The following CNBD2 variants were observed in gnomAD, a reference collection of about 807,000 sequenced individuals.
CNBD2 encodes the protein cyclic nucleotide-binding domain-containing protein 2.
A neutral mutation model predicts 63.7 loss-of-function variants in CNBD2; 64 were observed. That is an observed-to-expected ratio of 1.00 (90% CI 0.82 to 1.24). CNBD2 has a LOEUF of 1.24. CNBD2 is among the 50% of genes most tolerant of loss of function. The pLI, the probability that CNBD2 is intolerant of heterozygous loss-of-function variation, is 0.00. For synonymous variants in CNBD2, 229 were observed against 255.4 expected (o/e 0.90, Z 0.99); for missense variants, 691 against 713.5 (o/e 0.97, Z 0.36).
downstream of CNBD2, among the ~76,000 whole-genome samples, chr20:35,956,393 A>G (rs553260578): frequency 6.6e-6 from 1 of 152,226 alleles, no homozygotes; most frequent in Non-Finnish European, 1.5e-5. Flanking sequence ...CACTGGACCC[A>G]AATTCCTGCT....
rs201296527 is a variant in CNBD2, at chr20:35,984,746, G to C, written c.684G>C (p.Gln228His). 1 of 1,614,240 alleles carries C rather than the reference G, an allele frequency of 6.2e-7. No homozygotes were observed. The highest frequency in any genetic ancestry group is 8.5e-7 in the Non-Finnish European group (1 of 1,180,038). ...CTAATAAGCTGGACCAGGAAGTTCA[G>C]AAGGATGCTCAGTATCGGTTTGAAT... ...FFANKLDQEV[Q>H]KDAQYRFEFF... Residue 228 changes from glutamine to histidine, a missense_variant, in exon 6 of 12, where the codon CAG becomes CAC. By Grantham distance (24) the Gln-to-His change is conservative. Transcript: ENST00000373973.
Position 35,984,176 on chromosome 20 carries a change from G to C in CNBD2, c.564+38G>C, listed in dbSNP as rs893636750. 2.6e-6 allele frequency: 4 copies of C among 1,560,100 alleles called. No individual in the cohort carries two copies. The Admixed American group carries it at 7.4e-5, about 29-fold the overall frequency. On this transcript the variant is annotated intron_variant, in intron 5 of 11. Coordinates refer to ENST00000373973, the MANE Select transcript of CNBD2 (RefSeq NM_001365709.1). ...GAAGGACCCAGTTTCCTGGGGTGGA[G>C]TGGGTGGAGGTGACAGGACTTCTGC...
intron 8 of CNBD2, among the ~76,000 whole-genome samples, chr20:35,997,241 C>A (rs1467145563): frequency 1.3e-5 from 2 of 152,114 alleles, no homozygotes; most frequent in South Asian, 2.1e-4. Context: ...TGGCATGCTT[C>A]CCCCCACTTC....
intron 2 of CNBD2, chr20:35,974,793 T>C (rs1568856938): frequency 6.6e-6 from 1 of 152,196 alleles, no homozygotes; most frequent in African/African-American, 2.4e-5. Context: ...AGCCTTGAGT[T>C]GGGGTCTCAG....
chr20:36,008,172 T>A lies in CNBD2; in HGVS notation c.971-125T>A, dbSNP rs2794369. On this transcript the variant is annotated intron_variant, in intron 8 of 11. Transcript: ENST00000373973. ...ACAGTGTTTTATCTTTCTTTTTTTT[T>A]TAAAAAATTTCCCCATGTGCTAGAC... 7,582 of 741,176 alleles carry A rather than the reference T, an allele frequency of 0.01. 433 individuals carry two copies. In the African/African-American group the frequency reaches 0.12, roughly 12 times the overall value. 45.9% of individuals were successfully genotyped at this position (741,176 alleles called of 1,614,324 possible).
chr20:35,987,591 T>C (rs902191065), intron 7 of CNBD2, 58 bp downstream of exon 7: 54 of 1,590,314 alleles, frequency 3.4e-5, no homozygotes, highest in Non-Finnish European at 4.6e-5. Context: ...CCTAAGATCA[T>C]GTCCTGTGAC....
At chr20:35,965,295 A>C (rs1193924924), upstream of CNBD2, among the ~76,000 whole-genome samples, 1 of 149,746 alleles carries the variant, frequency 6.7e-6, no homozygotes, top group Non-Finnish European at 1.5e-5. Flanking sequence ...CTCCCGCCTC[A>C]GCCTCCCGAG....
intron 1 of CNBD2, among the ~76,000 whole-genome samples, chr20:35,971,024 T>C (rs2056407791): frequency 6.7e-6 from 1 of 149,826 alleles, no homozygotes; most frequent in South Asian, 2.1e-4. Flanking sequence ...CTCGGCTCAC[T>C]GCAAGCTCCG....
chr20:35,989,926 AAAG>A (rs780801737), intron 7 of CNBD2, among the ~76,000 whole-genome samples: 1 of 151,692 alleles, frequency 6.6e-6, no homozygotes, highest in African/African-American at 2.4e-5. Flanking sequence ...GAAAGGAAGG[AAAG>A]AAGAAAGGAA....
chr20:36,023,385 G>A (rs571162021), intron 10 of CNBD2, among the ~76,000 whole-genome samples: 8 of 152,118 alleles, frequency 5.3e-5, no homozygotes, highest in Non-Finnish European at 1.2e-4. Context: ...GGTAGCGCAT[G>A]CCTGTAATCC....
intron 3 of CNBD2, among the ~76,000 whole-genome samples, chr20:35,979,753 C>T (rs557921982): frequency 6.6e-6 from 1 of 152,254 alleles, no homozygotes; most frequent in East Asian, 1.9e-4. Flanking sequence ...CGAGAAAACC[C>T]AGGGGACAAA....
chr20:35,991,074 G>A (rs1048115753), intron 7 of CNBD2, among the ~76,000 whole-genome samples: 5 of 152,356 alleles, frequency 3.3e-5, no homozygotes, highest in South Asian at 2.1e-4. Flanking sequence ...ATGTGAGGGT[G>A]AGAAATAGAA....
At chr20:36,003,991 G>T (rs1196270786) in intron 8 of CNBD2, among the ~76,000 whole-genome samples, 2 of 152,178 alleles carry the variant, frequency 1.3e-5, no homozygotes, top group African/African-American at 4.8e-5. Flanking sequence ...TTGGCCAAGT[G>T]TCTGGCCTCA....
chr20:35,980,761 A>C (rs1476422586), intron 4 of CNBD2, 139 bp downstream of exon 4: 3 of 711,218 alleles, frequency 4.2e-6, no homozygotes, highest in Non-Finnish European at 4.6e-6. Context: ...CATTCACTTC[A>C]GCTCCCACTG....
At chr20:36,001,689 C>T (rs1417127396) in intron 8 of CNBD2, among the ~76,000 whole-genome samples, 125 of 146,326 alleles carry the variant, frequency 8.5e-4, no homozygotes, top group African/African-American at 3.1e-3. Context: ...ACGGGGCGGC[C>T]GGGCAGAGAC....
chr20:35,962,539 C>T (rs566209952), intron 2 of CNBD2, among the ~76,000 whole-genome samples: 17 of 152,180 alleles, frequency 1.1e-4, no homozygotes, highest in Admixed American at 8.5e-4. Context: ...GGATTACAGG[C>T]GTGAGCCACC....
At chr20:35,970,970 C>T (rs1234199302) in intron 1 of CNBD2, among the ~76,000 whole-genome samples, 6 of 143,450 alleles carry the variant, frequency 4.2e-5, no homozygotes, top group South Asian at 2.2e-4. Flanking sequence ...TTTTTTGAGA[C>T]GGAGTCTCGC....
upstream of CNBD2, among the ~76,000 whole-genome samples, chr20:35,966,418 C>T (rs1462254585): frequency 6.6e-6 from 1 of 152,116 alleles, no homozygotes; most frequent in Non-Finnish European, 1.5e-5. Flanking sequence ...ACAGATATAC[C>T]CCACGGGATA....
At chr20:36,008,083 CAGATGTAAT>C (rs2057008132) in intron 8 of CNBD2, among the ~76,000 whole-genome samples, 1 of 152,128 alleles carries the variant, frequency 6.6e-6, no homozygotes, top group South Asian at 2.1e-4. Flanking sequence ...CACCCTTCTC[CAGATGTAAT>C]AGATGTAAAG....
Sources: allele counts gnomAD v4.1 joint callset (sites outside exome capture counted in the v4.1 genomes callset), GRCh38; gene constraint gnomAD v4.1.1; transcripts MANE v1.5; gene names NCBI Gene and HGNC (gene_info 2026-07-23, HGNC 2026-07-21).